The following TPTE2 variants were observed in gnomAD, a reference collection of about 807,000 sequenced individuals.
TPTE2 encodes phosphatidylinositol 3,4,5-trisphosphate 3-phosphatase TPTE2.
In TPTE2, 53 loss-of-function variants were observed where a neutral mutation model predicts 78.6. The observed-to-expected ratio is 0.67, with a 90% CI of 0.54 to 0.85. The LOEUF is 0.85. Ranked by LOEUF, TPTE2 falls within the 40% of genes least tolerant of loss-of-function variation. TPTE2 has a pLI of 0.00. For missense variants in TPTE2, 461 were observed against 623.0 expected (o/e 0.74, Z 2.77); for synonymous variants, 175 against 206.2 (o/e 0.85, Z 1.30).
At chr13:19,533,578 A>C (rs1871014230) in intron 1 of TPTE2, among the ~76,000 whole-genome samples, 1 of 152,218 alleles carries the variant, frequency 6.6e-6, no homozygotes, top group Non-Finnish European at 1.5e-5. Flanking sequence ...TCTGACAAGC[A>C]TGTGGAAAGA....
intron 19 of TPTE2, among the ~76,000 whole-genome samples, chr13:19,424,172 C>A (rs1032973536): frequency 2.6e-5 from 4 of 152,156 alleles, no homozygotes; most frequent in African/African-American, 4.8e-5. Flanking sequence ...ATAATCATAG[C>A]CACTTCTTCA....
chr13:19,488,363 A>C (rs1471673238), intron 3 of TPTE2, among the ~76,000 whole-genome samples: 1 of 152,242 alleles, frequency 6.6e-6, no homozygotes, highest in Admixed American at 6.5e-5. Flanking sequence ...ATTTGAAAGC[A>C]TGCGTTGACT....
At chr13:19,482,413 T>C (rs1280313745) in intron 4 of TPTE2, 75 bp downstream of exon 7, 7 of 1,546,636 alleles carry the variant, frequency 4.5e-6, no homozygotes, top group Admixed American at 2.0e-5. Flanking sequence ...CTTCTTGCCT[T>C]AGCGGAAGCC....
the TPTE2 span, among the ~76,000 whole-genome samples, chr13:19,555,814 T>C: frequency 7.2e-6 from 1 of 138,510 alleles, no homozygotes; most frequent in African/African-American, 2.7e-5. Context: ...TTTTTTTTTT[T>C]TTTTTTTTTT....
intron 15 of TPTE2, among the ~76,000 whole-genome samples, chr13:19,432,991 G>A (rs1329672010): frequency 6.6e-6 from 1 of 152,150 alleles, no homozygotes; most frequent in Non-Finnish European, 1.5e-5. Flanking sequence ...AACTCCAGAG[G>A]AATACCTCCA....
intron 1 of TPTE2, among the ~76,000 whole-genome samples, chr13:19,511,265 A>G (rs1368574823): frequency 6.6e-6 from 1 of 152,246 alleles, no homozygotes; most frequent in Non-Finnish European, 1.5e-5. Flanking sequence ...AGTTAAAAGC[A>G]ACAACAAAAG....
chr13:19,450,815 T>TC (rs1878127683), intron 11 of TPTE2, among the ~76,000 whole-genome samples: 1 of 152,154 alleles, frequency 6.6e-6, no homozygotes, highest in Non-Finnish European at 1.5e-5. Flanking sequence ...TGCTGATGGG[T>TC]CAGAGGGCTC....
intron 1 of TPTE2, among the ~76,000 whole-genome samples, chr13:19,511,098 C>T (rs1017660328): frequency 1.3e-5 from 2 of 152,184 alleles, no homozygotes; most frequent in Admixed American, 6.5e-5. Flanking sequence ...CATGGCCCAT[C>T]AAGTCCTGTT....
At chr13:19,533,133 G>A (rs1371139401) in intron 1 of TPTE2, among the ~76,000 whole-genome samples, 1 of 152,138 alleles carries the variant, frequency 6.6e-6, no homozygotes, top group Non-Finnish European at 1.5e-5. Context: ...AATATGGAGA[G>A]ATCTACTTTT....
intron 10 of TPTE2, among the ~76,000 whole-genome samples, chr13:19,457,312 A>T (rs1446450574): frequency 6.6e-6 from 1 of 152,228 alleles, no homozygotes; most frequent in Non-Finnish European, 1.5e-5. Flanking sequence ...AGATGCATGC[A>T]TATATAATGT....
chr13:19,466,057 A>G (rs1593374489), intron 7 of TPTE2, among the ~76,000 whole-genome samples: 1 of 152,202 alleles, frequency 6.6e-6, no homozygotes, highest in Admixed American at 6.5e-5. Flanking sequence ...GCTAATGCAC[A>G]TCAGGCAGGC....
chr13:19,527,607 G>C (rs1870586446), intron 1 of TPTE2, among the ~76,000 whole-genome samples: 1 of 152,190 alleles, frequency 6.6e-6, no homozygotes, highest in South Asian at 2.1e-4. Context: ...GCGTGTGGTG[G>C]CTCACGCCTG....
At chr13:19,560,645 C>A in the TPTE2 span, 1 of 1,563,026 alleles carries the variant, frequency 6.4e-7, no homozygotes, top group Non-Finnish European at 8.8e-7. Flanking sequence ...CCAGCAGGGT[C>A]GGGCAAGGCA....
intron 1 of TPTE2, among the ~76,000 whole-genome samples, chr13:19,501,817 A>G (rs1461555091): frequency 6.6e-6 from 1 of 151,692 alleles, no homozygotes; most frequent in African/African-American, 2.4e-5. Context: ...CTAATTAAAG[A>G]GCTTCTGCAC....
At chr13:19,491,068 C>T (rs1880960565) in intron 3 of TPTE2, among the ~76,000 whole-genome samples, 1 of 152,156 alleles carries the variant, frequency 6.6e-6, no homozygotes, top group African/African-American at 2.4e-5. Flanking sequence ...CTTTAGAAAA[C>T]AGTGTCTAAA....
At chr13:19,509,641 C>A (rs1213710413) in intron 1 of TPTE2, among the ~76,000 whole-genome samples, 1 of 152,042 alleles carries the variant, frequency 6.6e-6, no homozygotes, top group Non-Finnish European at 1.5e-5. Context: ...TCCCAAACAC[C>A]ACAGGGCCCA....
At chr13:19,477,125 T>C (rs1208206045) in intron 4 of TPTE2, among the ~76,000 whole-genome samples, 1 of 152,074 alleles carries the variant, frequency 6.6e-6, no homozygotes, top group Non-Finnish European at 1.5e-5. Context: ...GAAAACCAAA[T>C]ACTGAATGTT....
intron 1 of TPTE2, among the ~76,000 whole-genome samples, chr13:19,498,307 G>C (rs2137659491): frequency 6.6e-6 from 1 of 150,878 alleles, no homozygotes; most frequent in South Asian, 2.1e-4. Context: ...ACGCCACAAA[G>C]ATACTCCTCG....
intron 16 of TPTE2, among the ~76,000 whole-genome samples, chr13:19,431,490 A>G (rs1191675913): frequency 2.6e-5 from 4 of 152,186 alleles, no homozygotes; most frequent in African/African-American, 9.7e-5. Context: ...TTTAATTTAA[A>G]TATTCACAAA....
Sources: allele counts gnomAD v4.1 joint callset (sites outside exome capture counted in the v4.1 genomes callset), GRCh38; gene constraint gnomAD v4.1.1; transcripts MANE v1.5; gene names NCBI Gene and HGNC (gene_info 2026-07-23, HGNC 2026-07-21).